Variants in FBXO42 observed in about 807,000 individuals in gnomAD.
FBXO42 encodes F-box only protein 42.
Under a neutral mutation model 71.7 loss-of-function variants are expected in FBXO42, and 12 were observed. The ratio of observed to expected loss-of-function variants is 0.17; its 90% CI spans 0.11 to 0.27. The LOEUF (loss-of-function observed/expected upper bound fraction) is 0.27, where lower values mean the gene tolerates loss of function less well. Among genes scored for constraint, FBXO42 ranks in the 10% least tolerant of loss-of-function variants. The pLI is 1.00. For missense variants in FBXO42, 707 were observed against 911.9 expected, an observed-to-expected ratio of 0.78 and a Z score of 2.89; for synonymous variants, 325 against 327.5, an observed-to-expected ratio of 0.99 and a Z score of 0.08.
intron 1 of FBXO42, among the ~76,000 whole-genome samples, chr1:16,338,517 T>C (rs937863651): frequency 2.6e-5 from 4 of 152,126 alleles, no homozygotes; most frequent in East Asian, 1.9e-4. Context: ...TGAACCAAAA[T>C]AGTAGACACC....
At chr1:16,304,766 C>T (rs957716549) in intron 3 of FBXO42, among the ~76,000 whole-genome samples, 13 of 151,452 alleles carry the variant, frequency 8.6e-5, no homozygotes, top group African/African-American at 2.7e-4. Context: ...GTCAGGAGTT[C>T]GAGACCAGCC....
intron 1 of FBXO42, among the ~76,000 whole-genome samples, chr1:16,338,998 A>C (rs546045558): frequency 6.6e-6 from 1 of 151,910 alleles, no homozygotes; most frequent in South Asian, 2.1e-4. Flanking sequence ...TTTAGTAGAG[A>C]TGGGGTTTCA....
At chr1:16,272,336 C>T (rs2081856054) in intron 4 of FBXO42, among the ~76,000 whole-genome samples, 1 of 151,410 alleles carries the variant, frequency 6.6e-6, no homozygotes, top group South Asian at 2.1e-4. Flanking sequence ...CTTGGCTCAC[C>T]GCAACTCCCG....
chr1:16,281,912 G>C (rs1214505799), intron 4 of FBXO42, among the ~76,000 whole-genome samples: 1 of 151,844 alleles, frequency 6.6e-6, no homozygotes, highest in African/African-American at 2.4e-5. Context: ...CTGACCTCAA[G>C]TGATCCACCA....
At chr1:16,316,266 A>G (rs2082365335) in intron 1 of FBXO42, among the ~76,000 whole-genome samples, 1 of 151,952 alleles carries the variant, frequency 6.6e-6, no homozygotes, top group Non-Finnish European at 1.5e-5. Context: ...GTTTGCCCGG[A>G]GAATACTTGC....
intron 4 of FBXO42, among the ~76,000 whole-genome samples, chr1:16,259,009 G>A (rs1182278445): frequency 6.6e-6 from 1 of 152,120 alleles, no homozygotes; most frequent in Non-Finnish European, 1.5e-5. Flanking sequence ...CAAAGTGCTG[G>A]GATTATAGGC....
intron 2 of FBXO42, among the ~76,000 whole-genome samples, chr1:16,310,931 G>A (rs2082305862): frequency 6.6e-6 from 1 of 151,282 alleles, no homozygotes; most frequent in South Asian, 2.1e-4. Context: ...CCAATATTGT[G>A]CCACTGCACT....
intron 4 of FBXO42, among the ~76,000 whole-genome samples, chr1:16,280,786 C>A (rs1024405807): frequency 6.6e-6 from 1 of 151,796 alleles, no homozygotes; most frequent in Non-Finnish European, 1.5e-5. Context: ...GAAAAAAAAA[C>A]AAAAGAAAAG....
chr1:16,315,936 C>A (rs573946309), intron 1 of FBXO42, among the ~76,000 whole-genome samples: 6 of 151,628 alleles, frequency 4.0e-5, no homozygotes, highest in Non-Finnish European at 8.8e-5. Flanking sequence ...TTTGGGAGAC[C>A]GAGGCGGGCA....
intron 4 of FBXO42, among the ~76,000 whole-genome samples, chr1:16,259,287 C>T (rs2081683191): frequency 6.6e-6 from 1 of 152,138 alleles, no homozygotes. Flanking sequence ...AAATACCAGA[C>T]AAAGCTTCCA....
At chr1:16,283,011 C>T (rs889675638) in intron 4 of FBXO42, among the ~76,000 whole-genome samples, 1 of 151,566 alleles carries the variant, frequency 6.6e-6, no homozygotes, top group Admixed American at 6.6e-5. Flanking sequence ...GATCCACCAT[C>T]TTATCCCCAA....
At chr1:16,295,618 C>G (rs1022434670) in intron 3 of FBXO42, among the ~76,000 whole-genome samples, 1 of 152,120 alleles carries the variant, frequency 6.6e-6, no homozygotes, top group Non-Finnish European at 1.5e-5. Flanking sequence ...ATCTCGAACT[C>G]CTGACCTCAG....
intron 1 of FBXO42, among the ~76,000 whole-genome samples, chr1:16,319,263 C>T (rs2100585184): frequency 6.6e-6 from 1 of 152,294 alleles, no homozygotes; most frequent in East Asian, 1.9e-4. Flanking sequence ...GAACAGAAAC[C>T]TCCTACCTCA....
intron 2 of FBXO42, among the ~76,000 whole-genome samples, chr1:16,306,441 T>A (rs1011166573): frequency 2.0e-5 from 3 of 152,192 alleles, no homozygotes; most frequent in African/African-American, 7.2e-5. Flanking sequence ...TTAGGTGACA[T>A]TAAAAATTAC....
intron 2 of FBXO42, among the ~76,000 whole-genome samples, chr1:16,307,837 A>T (rs1557594798): frequency 6.6e-6 from 1 of 152,230 alleles, no homozygotes. Flanking sequence ...AGAAGACTCA[A>T]TATTGTCAAG....
Position 16,318,112 on chromosome 1 carries a change from A to T in FBXO42, c.-17-2677T>A, listed in dbSNP as rs144486493. 7.7e-3 allele frequency among the ~76,000 whole-genome samples: 1,175 copies of T among 152,158 alleles called. 19 individuals carry two copies. Among genetic ancestry groups the T allele is most frequent in the African/African-American group, 0.027 (1,125 of 41,502 alleles). ...AATTTACTGAGCTGAATACTCACGCACTTCTCTAAAGTTTGTCAAAATACT... is the reference window on the plus strand; with the variant it reads ...AATTTACTGAGCTGAATACTCACGCTCTTCTCTAAAGTTTGTCAAAATACT... On this transcript the variant is annotated intron_variant, in intron 1 of 9. Coordinates refer to ENST00000375592, the MANE Select transcript of FBXO42 (RefSeq NM_018994.3).
chr1:16,335,869 C>CA (rs59693692), intron 1 of FBXO42, among the ~76,000 whole-genome samples: 20,833 of 83,928 alleles, frequency 0.25, 1,966 homozygotes, highest in African/African-American at 0.38. Context: ...TCCATCGCGC[C>CA]AAAAAAAAAA....
chr1:16,305,211 C>A (rs1028666738), intron 3 of FBXO42, among the ~76,000 whole-genome samples: 3 of 150,962 alleles, frequency 2.0e-5, no homozygotes, highest in African/African-American at 7.3e-5. Flanking sequence ...ACAGTGAGAC[C>A]CCATCTCTAC....
At chr1:16,318,194 G>A (rs960507047) in intron 1 of FBXO42, among the ~76,000 whole-genome samples, 2 of 152,146 alleles carry the variant, frequency 1.3e-5, no homozygotes, top group African/African-American at 2.4e-5. Flanking sequence ...CTAGGCGGGT[G>A]GATCACCTGA....
Sources: allele counts gnomAD v4.1 joint callset (sites outside exome capture counted in the v4.1 genomes callset), GRCh38; gene constraint gnomAD v4.1.1; transcripts MANE v1.5; gene names NCBI Gene and HGNC (gene_info 2026-07-23, HGNC 2026-07-21).